The following ZNF227 variants were observed in gnomAD, a reference collection of about 807,000 sequenced individuals.
The protein encoded by ZNF227 is zinc finger protein 227.
Under a neutral mutation model 13.2 loss-of-function variants are expected in ZNF227, and 12 were observed. That is an observed-to-expected ratio of 0.91 (90% CI 0.58 to 1.47). The LOEUF is 1.47. Among genes scored for constraint, ZNF227 ranks in the 40% most tolerant of loss-of-function variants. The pLI is 0.00. For missense variants in ZNF227, 885 were observed against 967.5 expected (o/e 0.91, Z 1.13); for synonymous variants, 338 against 326.0 (o/e 1.04, Z -0.40).
chr19:44,207,886 G>A (rs1568584968), upstream of ZNF227: 1 of 152,234 alleles, frequency 6.6e-6, no homozygotes, highest in African/African-American at 2.4e-5. Context: ...AACGTTTTGT[G>A]AGTTAATCTT....
chr19:44,219,741 T>A (rs1972254524), intron 3 of ZNF227, among the ~76,000 whole-genome samples: 1 of 151,358 alleles, frequency 6.6e-6, no homozygotes, highest in Non-Finnish European at 1.5e-5. Context: ...AAACTTTTTT[T>A]TTTGGATGTT....
In ZNF227 at chr19:44,235,070, C is replaced by T. The variant is rs1408686486; in HGVS notation, c.640C>T (p.His214Tyr). 3.1e-6 allele frequency: 5 copies of T among 1,613,738 alleles called. No homozygotes were observed. In the African/African-American group the frequency reaches 6.7e-5, roughly 22 times the overall value. Residue 214 changes from histidine (H) to tyrosine (Y), a missense_variant, in exon 6 of 6, where the codon CAT becomes TAT. His to Tyr is a moderately conservative substitution (Grantham distance 83, BLOSUM62 2). Transcript: ENST00000313040. ...AGACTTCATGAAGAAATCACCATTT[C>T]ATGAGCATATTAAAACTGACACAGA... is the stretch of plus-strand genomic sequence containing the variant. ...HEDFMKKSPFHEHIKTDTEPK... is the reference protein window; with the variant it reads ...HEDFMKKSPFYEHIKTDTEPK...
In ZNF227 at chr19:44,234,961, T is replaced by C; in HGVS notation, c.531T>C (p.Ser177=). Residue 177 remains serine (S), a synonymous_variant, in exon 6 of 6, where the codon TCT becomes TCC. Coordinates refer to ENST00000313040, the MANE Select transcript of ZNF227 (RefSeq NM_182490.3). ...QEFPFWRTQH[S]CGNTYLSESQ... is the part of the protein sequence containing the mutation. ...TTCCATTTTGGAGAACCCAGCATTC[T>C]TGCGGGAATACATATCTGAGTGAGT... 1 of 1,614,058 alleles carries C rather than the reference T, an allele frequency of 6.2e-7. No individual in the cohort carries two copies. The highest frequency in any genetic ancestry group is 8.5e-7 in the Non-Finnish European group (1 of 1,180,008).
chr19:44,229,816 A>G lies in ZNF227; in HGVS notation c.271A>G (p.Ser91Gly). Reference sequence around the variant, plus strand: ...GATGATGGAAACAGAAACCCAAAGAAGTAGGTATTCTGGTGAGAACCCTGT... The same window carrying G: ...GATGATGGAAACAGAAACCCAAAGAGGTAGGTATTCTGGTGAGAACCCTGT... Reference protein sequence around the residue: ...LWMMETETQRSSKHQNKMETL... With the variant: ...LWMMETETQRGSKHQNKMETL... The change falls in exon 5 of 6, where the codon AGC becomes GGC. Residue 91 changes from serine (S) to glycine (G), a missense_variant and splice_region_variant. Transcript: ENST00000313040. 6.4e-7 allele frequency: 1 copy of G among 1,562,148 alleles called. No homozygotes were observed. The highest frequency in any genetic ancestry group is 8.7e-7 in the Non-Finnish European group (1 of 1,146,624).
intron 5 of ZNF227, among the ~76,000 whole-genome samples, chr19:44,232,690 C>T (rs1244744621): frequency 4.7e-5 from 7 of 148,188 alleles, no homozygotes; most frequent in East Asian, 2.0e-4. Flanking sequence ...TTTTTGTAGA[C>T]GGAGTCATGC....
rs767746073 is a variant in ZNF227, at chr19:44,236,579, A to G, written c.2149A>G (p.Ile717Val). The part of the protein sequence containing the change: ...QRVHTGEKPH[I>V]CEECGKAFSL... ...GGTCCACACGGGAGAGAAACCCCAT[A>G]TATGTGAGGAGTGTGGTAAGGCCTT... The change falls in exon 6 of 6, where the codon ATA (isoleucine) becomes GTA (valine). Residue 717 changes from isoleucine to valine, a missense_variant. Ile to Val is a conservative substitution (Grantham distance 29). Transcript: ENST00000313040. 12 of 1,613,972 alleles carry G rather than the reference A, an allele frequency of 7.4e-6. No individual in the cohort carries two copies. The highest frequency in any genetic ancestry group is 6.7e-5 in the Admixed American group (4 of 59,988).
chr19:44,228,623 T>C (rs369288861), intron 4 of ZNF227, 51 bp downstream of exon 4: 7 of 1,549,506 alleles, frequency 4.5e-6, no homozygotes, highest in Non-Finnish European at 6.1e-6. Flanking sequence ...TGAGAATCTC[T>C]TTGCTCTCAG....
Position 44,222,110 on chromosome 19 carries a change from C to T in ZNF227, c.60+4258C>T, listed in dbSNP as rs1380952159. ...TTATTTCTGAGGGCTCTGTTCTGTT[C>T]CATTGATCTATATCTCTGTTTTGGT... is the stretch of plus-strand genomic sequence containing the variant. On this transcript the variant is annotated intron_variant, in intron 3 of 5. Transcript: ENST00000313040. Among the ~76,000 whole-genome samples the T allele has an allele frequency of 7.4e-4, 112 of 152,010 alleles. 1 individual carries two copies. In the South Asian group the frequency reaches 0.023, roughly 31 times the overall value.
chr19:44,226,246 G>A (rs373574007), intron 3 of ZNF227, among the ~76,000 whole-genome samples: 2 of 152,208 alleles, frequency 1.3e-5, no homozygotes, highest in East Asian at 3.9e-4. Context: ...CACTTCAGGA[G>A]GCAGTCTGCC....
intron 3 of ZNF227, among the ~76,000 whole-genome samples, chr19:44,219,178 C>T (rs1484552976): frequency 2.0e-5 from 3 of 152,214 alleles, no homozygotes; most frequent in Non-Finnish European, 4.4e-5. Context: ...TGAACCAGTG[C>T]ACCTGGCCCT....
chr19:44,235,617 G>A lies in ZNF227; in HGVS notation c.1187G>A (p.Arg396His), dbSNP rs145710151. ...GKGFGWSVNL[R>H]VHQRVHRGEK... is the part of the protein sequence containing the mutation. ...GGCTTCGGTTGGAGTGTTAATCTCCGTGTTCACCAGAGGGTCCACAGGGGT... is the reference window on the plus strand; with the variant it reads ...GGCTTCGGTTGGAGTGTTAATCTCCATGTTCACCAGAGGGTCCACAGGGGT... The change falls in exon 6 of 6, where the codon CGT becomes CAT. Residue 396 changes from arginine (R) to histidine (H), a missense_variant. Physicochemically the swap from Arg to His is conservative, Grantham distance 29 (BLOSUM62 0). Coordinates refer to ENST00000313040, the MANE Select transcript of ZNF227 (RefSeq NM_182490.3). 38 of 1,612,982 alleles carry A rather than the reference G, an allele frequency of 2.4e-5. No homozygotes were observed. In the African/African-American group the frequency reaches 2.4e-4, roughly 10 times the overall value.
At chr19:44,209,071 C>T (rs1382426965), upstream of ZNF227, among the ~76,000 whole-genome samples, 1 of 152,104 alleles carries the variant, frequency 6.6e-6, no homozygotes, top group Non-Finnish European at 1.5e-5. Context: ...AGACCCCGTT[C>T]CTTTAACCCA....
chr19:44,226,166 C>A (rs1451886542), intron 3 of ZNF227, among the ~76,000 whole-genome samples: 4 of 152,224 alleles, frequency 2.6e-5, no homozygotes, highest in Non-Finnish European at 4.4e-5. Flanking sequence ...GAGTACTCAG[C>A]TGTGTGAGGT....
chr19:44,215,617 A>G (rs1295026738), intron 2 of ZNF227, among the ~76,000 whole-genome samples: 1 of 152,014 alleles, frequency 6.6e-6, no homozygotes, highest in African/African-American at 2.4e-5. Context: ...CTTTAAAAAT[A>G]TTCTCTTTCT....
At chr19:44,219,435 A>G (rs1972222778) in intron 3 of ZNF227, among the ~76,000 whole-genome samples, 1 of 152,352 alleles carries the variant, frequency 6.6e-6, no homozygotes, top group South Asian at 2.1e-4. Context: ...ATTCCTGTTA[A>G]GATTAGTAAT....
chr19:44,212,379 T>TTG (rs1971423264), upstream of ZNF227: 1 of 43,586 alleles, frequency 2.3e-5, no homozygotes, highest in Non-Finnish European at 6.6e-5. Context: ...TTTTTTTTTG[T>TTG]TTTTTTTTTT....
Position 44,229,759 on chromosome 19 carries a change from G to T in ZNF227, c.214G>T (p.Val72Leu). The T allele has an allele frequency of 6.3e-7, 1 of 1,588,356 alleles. No homozygotes were observed. Among genetic ancestry groups the T allele is most frequent in the Middle Eastern group, 1.7e-4 (1 of 5,938 alleles). The change falls in exon 5 of 6, where the codon GTA becomes TTA. Residue 72 changes from valine to leucine, a missense_variant. By Grantham distance (32) the Val-to-Leu change is conservative. Transcript: ENST00000313040. The stretch of plus-strand genomic sequence containing the variant: ...GCATCTTCCCTTCCAACCAGATATG[G>T]TATCCCAATTGGAAGCAGAAGAAAA... ...VGHLPFQPDM[V>L]SQLEAEEKLW...
Position 44,236,852 on chromosome 19 carries a change from C to A in ZNF227, c.*22C>A. 6.5e-7 allele frequency: 1 copy of A among 1,534,268 alleles called. No individual in the cohort carries two copies. The highest frequency in any genetic ancestry group is 8.8e-7 in the Non-Finnish European group (1 of 1,142,764). ...TTAGAAATGAGAAATGTGTTACCAA[C>A]TTTTGTCTGAATGCACATCTTCAAG... On this transcript the variant is annotated 3_prime_UTR_variant, in exon 6 of 6. Transcript: ENST00000313040.
rs200912168 is a variant in ZNF227 at position 44,220,409 on chromosome 19, G to A, written c.60+2557G>A. Among the ~76,000 whole-genome samples, 8 of 151,518 alleles carry A rather than the reference G, an allele frequency of 5.3e-5. No individual in the cohort carries two copies. The East Asian group carries it at 1.6e-3, about 29-fold the overall frequency. ...ACAGTCCCACCAACAGTGTAAAAGT[G>A]TTGCTATTTCTCCACATCCTCTCCA... On this transcript the variant is annotated intron_variant, in intron 3 of 5. Coordinates refer to ENST00000313040, the MANE Select transcript of ZNF227 (RefSeq NM_182490.3).
Sources: allele counts gnomAD v4.1 joint callset (sites outside exome capture counted in the v4.1 genomes callset), GRCh38; gene constraint gnomAD v4.1.1; transcripts MANE v1.5; gene names NCBI Gene and HGNC (gene_info 2026-07-23, HGNC 2026-07-21).